Variants in STXBP5 observed in about 807,000 individuals in gnomAD.
The protein encoded by STXBP5 is syntaxin-binding protein 5.
A neutral mutation model predicts 152.4 loss-of-function variants in STXBP5; 50 were observed. The observed-to-expected ratio is 0.33, with a 90% CI of 0.26 to 0.42. The LOEUF is 0.42. Ranked by LOEUF, STXBP5 falls within the 10% of genes least tolerant of loss-of-function variation. The pLI is 1.00. For missense variants in STXBP5, 1,167 were observed against 1,388.6 expected (o/e 0.84, Z 2.54); for synonymous variants, 492 against 494.7 (o/e 0.99, Z 0.07).
At chr6:147,301,436 A>G (rs7748995) in intron 9 of STXBP5, among the ~76,000 whole-genome samples, 103,789 of 152,016 alleles carry the variant, frequency 0.68, 36,963 homozygotes, top group African/African-American at 0.9. Context: ...TCTAATGAGT[A>G]AAGATCTCTT....
At chr6:147,318,784 C>A (rs140772579) in intron 16 of STXBP5, among the ~76,000 whole-genome samples, 2 of 152,248 alleles carry the variant, frequency 1.3e-5, no homozygotes, top group South Asian at 4.1e-4. Context: ...GGGATATACA[C>A]GCAATAACAT....
rs533444225 is a variant in STXBP5, at chr6:147,337,268, A to T, written c.2147-1911A>T. Among the ~76,000 whole-genome samples the T allele has an allele frequency of 6.0e-5, 9 of 150,696 alleles. No individual in the cohort carries two copies. In the South Asian group the frequency reaches 1.9e-3, roughly 31 times the overall value. ...ACTGTTAGGTTATTTCAAGCTGAAG[A>T]AAACCCAGGGCCACACATACCATGA... is the stretch of plus-strand genomic sequence containing the variant. On this transcript the variant is annotated intron_variant, in intron 19 of 27. Coordinates refer to ENST00000321680, the MANE Select transcript of STXBP5 (RefSeq NM_001127715.4).
chr6:147,347,809 T>TGTAA (rs1439988734), intron 21 of STXBP5, among the ~76,000 whole-genome samples: 7 of 152,196 alleles, frequency 4.6e-5, no homozygotes, highest in African/African-American at 1.7e-4. Context: ...TTTAGTTAGA[T>TGTAA]GTAAGGAAAA....
chr6:147,236,542 A>T (rs149907401), intron 3 of STXBP5, among the ~76,000 whole-genome samples: 1 of 152,146 alleles, frequency 6.6e-6, no homozygotes, highest in Non-Finnish European at 1.5e-5. Flanking sequence ...CAATACTATT[A>T]ACTAGACTAT....
chr6:147,324,550 G>C (rs1030372830), intron 16 of STXBP5, among the ~76,000 whole-genome samples: 1 of 152,002 alleles, frequency 6.6e-6, no homozygotes, highest in Non-Finnish European at 1.5e-5. Flanking sequence ...GATTACAGGC[G>C]TGAGCCACTG....
rs73582518 is a variant in STXBP5 at position 147,227,003 on chromosome 6, A to G, written c.249-8247A>G. On this transcript the variant is annotated intron_variant, in intron 2 of 27. Transcript: ENST00000321680. ...TTTTTCTTGCCACACAAGTCTGTGT[A>G]GTAGTGAATGACAGCAGGTAGGGTT... Among the ~76,000 whole-genome samples the G allele has an allele frequency of 3.8e-3, 580 of 152,300 alleles. 2 individuals carry two copies. The highest frequency in any genetic ancestry group is 0.013 in the African/African-American group (558 of 41,564).
chr6:147,216,091 G>A (rs1370755071), intron 2 of STXBP5, among the ~76,000 whole-genome samples: 1 of 152,104 alleles, frequency 6.6e-6, no homozygotes, highest in African/African-American at 2.4e-5. Flanking sequence ...AATGAATAAT[G>A]TATTTTTTAA....
intron 19 of STXBP5, among the ~76,000 whole-genome samples, chr6:147,336,961 T>G (rs1783853969): frequency 6.6e-6 from 1 of 152,012 alleles, no homozygotes; most frequent in Non-Finnish European, 1.5e-5. Flanking sequence ...ATGAGAAAAA[T>G]CCATGTAATG....
At chr6:147,326,383 A>C (rs1316649616) in intron 17 of STXBP5, among the ~76,000 whole-genome samples, 2 of 152,194 alleles carry the variant, frequency 1.3e-5, no homozygotes, top group Non-Finnish European at 2.9e-5. Context: ...AGACTATATA[A>C]ATCCATACTT....
intron 21 of STXBP5, among the ~76,000 whole-genome samples, chr6:147,344,848 T>C (rs1380669964): frequency 6.6e-6 from 1 of 152,192 alleles, no homozygotes; most frequent in Non-Finnish European, 1.5e-5. Flanking sequence ...AGAATTCTCT[T>C]TGAGATGTTG....
rs1330672229 is a variant in STXBP5, at chr6:147,223,009, T to C, written c.249-12241T>C. ...TATCCACCTGTCTGTCTTTCCAGTT[T>C]GGGGGCAGTGGTTTTTCTTGTGTCT... On this transcript the variant is annotated intron_variant, in intron 2 of 27. Transcript: ENST00000321680. Among the ~76,000 whole-genome samples, 4 of 152,372 alleles carry C rather than the reference T, an allele frequency of 2.6e-5. No individual in the cohort carries two copies. The South Asian group carries it at 6.2e-4, about 24-fold the overall frequency.
At chr6:147,235,414 AATTT>A in intron 3 of STXBP5, 83 bp downstream of exon 3, 1 of 1,084,092 alleles carries the variant, frequency 9.2e-7, no homozygotes, top group Non-Finnish European at 1.4e-6. Context: ...ATGCATTCAC[AATTT>A]ATTTACATAT....
chr6:147,226,052 C>T (rs1777693704), intron 2 of STXBP5, among the ~76,000 whole-genome samples: 1 of 152,076 alleles, frequency 6.6e-6, no homozygotes, highest in Admixed American at 6.6e-5. Flanking sequence ...GTGGCTCATG[C>T]ATGTAATCTC....
intron 9 of STXBP5, among the ~76,000 whole-genome samples, chr6:147,299,356 A>G (rs1337826475): frequency 6.6e-6 from 1 of 152,002 alleles, no homozygotes; most frequent in African/African-American, 2.4e-5. Flanking sequence ...GAATTGAATC[A>G]GTAATAAAAG....
At chr6:147,304,034 AT>A (rs1781963091) in intron 9 of STXBP5, among the ~76,000 whole-genome samples, 1 of 152,204 alleles carries the variant, frequency 6.6e-6, no homozygotes, top group African/African-American at 2.4e-5. Context: ...AGAAAAACCC[AT>A]TTTCTGGGAA....
intron 7 of STXBP5, among the ~76,000 whole-genome samples, chr6:147,268,317 C>T (rs182076944): frequency 1.3e-5 from 2 of 152,230 alleles, no homozygotes; most frequent in East Asian, 3.9e-4. Context: ...ATTTAGACAT[C>T]AGGAGTGTTC....
chr6:147,206,930 T>G (rs1176764722), intron 2 of STXBP5, among the ~76,000 whole-genome samples: 1 of 152,098 alleles, frequency 6.6e-6, no homozygotes, highest in Non-Finnish European at 1.5e-5. Flanking sequence ...AAACTTAAGA[T>G]TTGGATTCAT....
chr6:147,287,938 TTA>T (rs775608562), intron 8 of STXBP5, among the ~76,000 whole-genome samples: 1 of 152,078 alleles, frequency 6.6e-6, no homozygotes, highest in Non-Finnish European at 1.5e-5. Context: ...GTGATAGGTG[TTA>T]TGAGTCATTT....
chr6:147,316,241 C>A lies in STXBP5; in HGVS notation c.1636C>A (p.Arg546=). 6.2e-7 allele frequency: 1 copy of A among 1,613,588 alleles called. No individual in the cohort carries two copies. The highest frequency in any genetic ancestry group is 8.5e-7 in the Non-Finnish European group (1 of 1,179,812). ...ITEVIPMLEV[R]LLYEINDVET... is the part of the protein sequence containing the mutation. ...ACTTTTACAACAGATGCTTGAAGTT[C>A]GATTATTATATGAGATAAATGATGT... Residue 546 remains arginine (R), a synonymous_variant, in exon 16 of 28, where the codon CGA becomes AGA. Transcript: ENST00000321680.
Sources: allele counts gnomAD v4.1 joint callset (sites outside exome capture counted in the v4.1 genomes callset), GRCh38; gene constraint gnomAD v4.1.1; transcripts MANE v1.5; gene names NCBI Gene and HGNC (gene_info 2026-07-23, HGNC 2026-07-21).